EPB42: variants seen among roughly 807,000 people sequenced by gnomAD.
EPB42 encodes erythrocyte membrane protein band 4.2, also known as protein 4.2.
In EPB42, 49 loss-of-function variants were observed where a neutral mutation model predicts 76.9. The ratio of observed to expected loss-of-function variants is 0.64; its 90% CI spans 0.51 to 0.81. EPB42 has a LOEUF of 0.81. Ranked by LOEUF, EPB42 falls within the 30% of genes least tolerant of loss-of-function variation. EPB42 has a pLI of 0.00. For synonymous variants in EPB42, 310 were observed against 338.4 expected (o/e 0.92, Z 0.92); for missense variants, 731 against 867.6 (o/e 0.84, Z 1.98).
In EPB42 at chr15:43,211,445, T is replaced by G; in HGVS notation, c.520A>C (p.Ile174Leu). ...CCAAAGTCCCAGGACTCTGCCTGGA[T>G]GCAGTCAGCTGTACCCAGGTAGATG... ...GLIYLGTADCIQAESWDFGQF... is the reference protein window; with the variant it reads ...GLIYLGTADCLQAESWDFGQF... Residue 174 changes from isoleucine to leucine, a missense_variant, in exon 4 of 13, where the codon ATC becomes CTC. By Grantham distance (5) the Ile-to-Leu change is conservative. Coordinates refer to ENST00000441366, the MANE Select transcript of EPB42 (RefSeq NM_001114134.2). The G allele has an allele frequency of 1.2e-6, 2 of 1,613,882 alleles. No homozygotes were observed. The highest frequency in any genetic ancestry group is 1.7e-6 in the Non-Finnish European group (2 of 1,179,736).
intron 11 of EPB42, among the ~76,000 whole-genome samples, chr15:43,202,563 C>A (rs930824130): frequency 6.6e-6 from 1 of 152,202 alleles, no homozygotes. Context: ...TCTATTAAAG[C>A]ACTTATCTGG....
intron 9 of EPB42, 61 bp downstream of exon 9, chr15:43,207,137 TC>T: frequency 6.2e-7 from 1 of 1,609,638 alleles, no homozygotes; most frequent in Non-Finnish European, 8.5e-7. Context: ...ACCAGGCCCA[TC>T]CCTTTCCCTC....
In EPB42 at chr15:43,206,684, T is replaced by C. The variant is rs2042210312; in HGVS notation, c.1319-55A>G. On this transcript the variant is annotated intron_variant, in intron 9 of 12. Coordinates refer to ENST00000441366, the MANE Select transcript of EPB42 (RefSeq NM_001114134.2). This position sits in a 1 kb window ranked among gnomAD's most constrained non-coding sequence, Gnocchi z 4.7. ...TTTACCCGGGTGGTATAAATGCTTC[T>C]AATAAAACCCTGGGAATCAAAACCA... 6.3e-7 allele frequency: 1 copy of C among 1,599,338 alleles called. No individual in the cohort carries two copies. The highest frequency in any genetic ancestry group is 8.6e-7 in the Non-Finnish European group (1 of 1,168,030).
At chr15:43,213,175 G>A (rs2042326637) in intron 3 of EPB42, among the ~76,000 whole-genome samples, 1 of 152,072 alleles carries the variant, frequency 6.6e-6, no homozygotes, top group South Asian at 2.1e-4. Context: ...TTTGGCCCCA[G>A]GATCTACAGG....
At chr15:43,210,886 C>T (rs2042285357) in intron 4 of EPB42, among the ~76,000 whole-genome samples, 1 of 152,196 alleles carries the variant, frequency 6.6e-6, no homozygotes, top group Non-Finnish European at 1.5e-5. Context: ...GATTACAGAG[C>T]ACAGCAGCAT....
intron 4 of EPB42, 91 bp from the exon 5 acceptor site, chr15:43,210,530 G>A (rs1426595817): frequency 1.7e-6 from 2 of 1,160,620 alleles, no homozygotes; most frequent in Non-Finnish European, 2.6e-6. Context: ...CTGCAGGACA[G>A]CCTCATCATC....
intron 5 of EPB42, 135 bp from the exon 6 acceptor site, chr15:43,209,586 G>A: frequency 1.0e-6 from 1 of 987,672 alleles, no homozygotes; most frequent in Non-Finnish European, 1.5e-6. Context: ...CCTGGTACTG[G>A]TTAAACCTGC....
At chr15:43,199,412 T>C (rs553066949) in intron 12 of EPB42, among the ~76,000 whole-genome samples, 84 of 152,330 alleles carry the variant, frequency 5.5e-4, no homozygotes, top group African/African-American at 1.9e-3. Flanking sequence ...TGGACTTGCA[T>C]GGGCCCTGTA....
chr15:43,208,142 T>G, intron 8 of EPB42, 88 bp downstream of exon 8: 1 of 1,188,992 alleles, frequency 8.4e-7, no homozygotes, highest in South Asian at 1.3e-5. Context: ...GCAGACCCCC[T>G]TGGGACTGCC....
At chr15:43,202,097 ACTTCACAGCTGATGT>A in intron 11 of EPB42, 120 bp from the exon 12 acceptor site, 1 of 1,371,200 alleles carries the variant, frequency 7.3e-7, no homozygotes, top group Non-Finnish European at 1.0e-6. Context: ...GCTGACTCAA[ACTTCACAGCTGATGT>A]CTTCTACCGC....
At chr15:43,208,503 G>C (rs2042240942) in intron 7 of EPB42, 134 bp downstream of exon 7, 1 of 1,481,216 alleles carries the variant, frequency 6.8e-7, no homozygotes, top group African/African-American at 1.4e-5. Flanking sequence ...CTGACCATCA[G>C]CGCCGCCTCT....
At chr15:43,211,038 T>A (rs2142300552) in intron 4 of EPB42, among the ~76,000 whole-genome samples, 1 of 152,232 alleles carries the variant, frequency 6.6e-6, no homozygotes, top group East Asian at 1.9e-4. Context: ...AAGCCCTTCC[T>A]GGCAGAGGGA....
upstream of EPB42, among the ~76,000 whole-genome samples, chr15:43,223,242 G>A (rs759026631): frequency 2.0e-5 from 3 of 152,092 alleles, no homozygotes; most frequent in African/African-American, 7.2e-5. Context: ...GCTTGAACCC[G>A]GGAGGTTGGA....
At chr15:43,217,428 T>C (rs962655053) in intron 1 of EPB42, among the ~76,000 whole-genome samples, 1 of 152,006 alleles carries the variant, frequency 6.6e-6, no homozygotes, top group African/African-American at 2.4e-5. Context: ...CCATCTCAGG[T>C]ATGTCTTTAT....
chr15:43,211,782 T>G (rs1391000076), intron 3 of EPB42, among the ~76,000 whole-genome samples: 1 of 152,180 alleles, frequency 6.6e-6, no homozygotes, highest in Non-Finnish European at 1.5e-5. Flanking sequence ...TTAAAAAGCT[T>G]GGCTGGCCAG....
In EPB42 at chr15:43,211,554, G is replaced by A. The variant is rs781249456; in HGVS notation, c.431-20C>T. Reference sequence around the variant, plus strand: ...CATCCTCTGGTGAGAGGTGGGTAGGGATGAGGGCCTGTGGGGGTCCTAGGT... The same window carrying A: ...CATCCTCTGGTGAGAGGTGGGTAGGAATGAGGGCCTGTGGGGGTCCTAGGT... On this transcript the variant is annotated intron_variant, in intron 3 of 12. Transcript: ENST00000441366. 48 of 1,529,734 alleles carry A rather than the reference G, an allele frequency of 3.1e-5. No homozygotes were observed. Among genetic ancestry groups the A allele is most frequent in the Non-Finnish European group, 4.2e-5 (46 of 1,103,336 alleles). The allele number at this position is 1,529,734 out of a possible 1,614,324, so 94.8% of individuals were successfully genotyped here. A position where few individuals can be genotyped will look rare whatever the true frequency, so the allele number is the denominator to read the frequency against.
intron 1 of EPB42, among the ~76,000 whole-genome samples, chr15:43,216,952 C>A (rs777829507): frequency 3.3e-5 from 5 of 152,176 alleles, no homozygotes; most frequent in Non-Finnish European, 5.9e-5. Flanking sequence ...AACTGTCTCA[C>A]CCAAGACTGT....
In EPB42 at chr15:43,220,858, G is replaced by A. The variant is rs773888408; in HGVS notation, c.-33C>T. Reference sequence around the variant, plus strand: ...GGCCGCTCCTCTTATCCACTTGGCCGCAGAAAGCGCCTCTCTCAAACTGTT... The same window carrying A: ...GGCCGCTCCTCTTATCCACTTGGCCACAGAAAGCGCCTCTCTCAAACTGTT... On this transcript the variant is annotated 5_prime_UTR_variant, in exon 1 of 13. Coordinates refer to ENST00000441366, the MANE Select transcript of EPB42 (RefSeq NM_001114134.2). 23 of 1,590,958 alleles carry A rather than the reference G, an allele frequency of 1.4e-5. No homozygotes were observed. Among genetic ancestry groups the A allele is most frequent in the East Asian group, 2.2e-5 (1 of 44,806 alleles).
At chr15:43,209,521 G>A (rs2042260023) in intron 5 of EPB42, 70 bp from the exon 6 acceptor site, 1 of 1,523,236 alleles carries the variant, frequency 6.6e-7, no homozygotes, top group Admixed American at 1.8e-5. Context: ...CATGGGTAAG[G>A]AGGGCTCATC....
Sources: gnomAD v4.1 joint callset for allele counts (sites outside exome capture counted in the v4.1 genomes callset) on GRCh38, gnomAD v4.1.1 for gene constraint, Gnocchi (gnomAD v3.1) non-coding constraint, MANE v1.5 for transcripts, NCBI Gene and HGNC (gene_info 2026-07-23, HGNC 2026-07-21) for gene names.